The following HSPA4 variants were observed in gnomAD, a reference collection of about 807,000 sequenced individuals.
The protein encoded by HSPA4 is heat shock protein family A (Hsp70) member 4.
Under a neutral mutation model 106.2 loss-of-function variants are expected in HSPA4, and 25 were observed. That is an observed-to-expected ratio of 0.24 (90% CI 0.17 to 0.33). The LOEUF (loss-of-function observed/expected upper bound fraction) is 0.33. HSPA4 is among the 10% of genes least tolerant of loss of function. The pLI is 1.00. For synonymous variants in HSPA4, 332 were observed against 333.6 expected (o/e 1.00, Z 0.05); for missense variants, 841 against 996.0 (o/e 0.84, Z 2.10).
intron 11 of HSPA4, 131 bp from the exon 12 acceptor site, chr5:133,091,062 T>A (rs753071239): frequency 1.2e-6 from 1 of 802,592 alleles, no homozygotes. Context: ...AAGGACCGAT[T>A]TTGCTTATTT....
chr5:133,075,829 C>CA lies in HSPA4; in HGVS notation c.664-817dup, dbSNP rs375283499. ...TGGGCAACAGAGTGAGACCCTGTCT[C>CA]AAAAAAAAGAAAAAAAAATAAAGAA... On this transcript the variant is annotated intron_variant, in intron 6 of 18. Transcript: ENST00000304858. 7.3e-3 allele frequency among the ~76,000 whole-genome samples: 1,081 copies of CA among 148,118 alleles called. 5 individuals carry two copies. The highest frequency in any genetic ancestry group is 9.3e-3 in the African/African-American group (372 of 40,062).
chr5:133,075,977 A>G (rs1765442364), intron 6 of HSPA4: 1 of 152,252 alleles, frequency 6.6e-6, no homozygotes, highest in Non-Finnish European at 1.5e-5. Context: ...TTAACATACT[A>G]AGAAAATTTC....
At position 133,104,609 on chromosome 5, in the gene HSPA4, G is replaced by C. The variant is rs1765832512; in HGVS notation, c.*173G>C. On this transcript the variant is annotated 3_prime_UTR_variant, in exon 19 of 19. Transcript: ENST00000304858. ...GAGCATTTTCACTTCTAAATAGTTA[G>C]ATACAGAAATTAAGTGCATTGTATC... 1.3e-5 allele frequency: 8 copies of C among 601,596 alleles called. No homozygotes were observed. Among genetic ancestry groups the C allele is most frequent in the Admixed American group, 6.1e-5 (2 of 32,826 alleles). The allele number at this position is 601,596 out of a possible 1,614,324, so 37.3% of individuals were successfully genotyped here.
intron 8 of HSPA4, 147 bp from the exon 9 acceptor site, chr5:133,088,255 CTG>C (rs1329049201): frequency 3.3e-6 from 2 of 602,562 alleles, no homozygotes; most frequent in Non-Finnish European, 6.0e-6. Context: ...CCACCTGCCT[CTG>C]TGAGTGTGGG....
chr5:133,080,476 GT>G, intron 7 of HSPA4, among the ~76,000 whole-genome samples: 1 of 149,200 alleles, frequency 6.7e-6, no homozygotes, highest in Non-Finnish European at 1.5e-5. Context: ...TTTGATGTTG[GT>G]TATTTTGCAT....
intron 6 of HSPA4, among the ~76,000 whole-genome samples, chr5:133,074,853 T>G (rs1231037377): frequency 6.6e-6 from 1 of 152,182 alleles, no homozygotes; most frequent in Non-Finnish European, 1.5e-5. Flanking sequence ...AGTTCCACAG[T>G]AGGGTATAAA....
At position 133,104,018 on chromosome 5, in the gene HSPA4, A is replaced by G; in HGVS notation, c.2311A>G (p.Lys771Glu). 1 of 1,610,042 alleles carries G rather than the reference A, an allele frequency of 6.2e-7. No homozygotes were observed. Among genetic ancestry groups the G allele is most frequent in the Non-Finnish European group, 8.5e-7 (1 of 1,178,768 alleles). The change falls in exon 18 of 19, where the codon AAA (lysine) becomes GAA (glutamate). Residue 771 changes from lysine to glutamate, a missense_variant. Physicochemically the swap from Lys to Glu is moderately conservative, Grantham distance 56 (BLOSUM62 1). Around this residue, in one of 5 missense-constraint regions of HSPA4, gnomAD observed 328 missense variants for 372.2 expected, o/e 0.88. Coordinates refer to ENST00000304858, the MANE Select transcript of HSPA4 (RefSeq NM_002154.4). ...TGTCAAGTCAAAAGAGATTGAAGCT[A>G]AAATTAAGGTAATTTAAGACTTTTT... ...PVVKSKEIEA[K>E]IKELTSTCSP...
intron 7 of HSPA4, among the ~76,000 whole-genome samples, chr5:133,080,409 C>T (rs1474879774): frequency 7.8e-6 from 1 of 127,616 alleles, no homozygotes; most frequent in Non-Finnish European, 1.6e-5. Flanking sequence ...GAGAGTGAGA[C>T]CCTGTCTCAA....
intron 4 of HSPA4, among the ~76,000 whole-genome samples, chr5:133,072,004 G>A (rs11958983): frequency 0.063 from 9,596 of 152,042 alleles, 871 homozygotes; most frequent in East Asian, 0.3. Flanking sequence ...AGTGCCCCTA[G>A]CTTTGATCCT....
Position 133,076,616 on chromosome 5 carries a change from T to C in HSPA4, c.664-38T>C, listed in dbSNP as rs761524893. On this transcript the variant is annotated intron_variant, in intron 6 of 18. Coordinates refer to ENST00000304858, the MANE Select transcript of HSPA4 (RefSeq NM_002154.4). ...ATATATCATCTGTTTCAAAATCGATTGGTTAATTGTTAGATTAATTCTCAT... is the reference window on the plus strand; with the variant it reads ...ATATATCATCTGTTTCAAAATCGATCGGTTAATTGTTAGATTAATTCTCAT... The C allele has an allele frequency of 1.1e-5, 17 of 1,575,328 alleles. No individual in the cohort carries two copies. In the African/African-American group the frequency reaches 1.8e-4, roughly 16 times the overall value.
chr5:133,101,771 C>T lies in HSPA4; in HGVS notation c.2050C>T (p.Pro684Ser), dbSNP rs766375143. 1 of 1,610,812 alleles carries T rather than the reference C, an allele frequency of 6.2e-7. No individual in the cohort carries two copies. The highest frequency in any genetic ancestry group is 1.1e-5 in the South Asian group (1 of 89,912). Residue 684 changes from proline to serine, a missense_variant, in exon 17 of 19, where the codon CCT becomes TCT. Pro to Ser is a moderately conservative substitution (Grantham distance 74). This residue lies in a region of HSPA4 where 328 missense variants were observed against 372.2 expected (regional missense o/e 0.88). Transcript: ENST00000304858. ...TTCTTCTGTTAAGAATCTAGGTCAA[C>T]CTATTAAGATACGTTTCCAGGAATC... is the stretch of plus-strand genomic sequence containing the variant. ...KLAELKNLGQPIKIRFQESEE... is the reference protein window; with the variant it reads ...KLAELKNLGQSIKIRFQESEE...
chr5:133,098,718 G>C (rs1456276039), intron 15 of HSPA4, among the ~76,000 whole-genome samples: 1 of 151,844 alleles, frequency 6.6e-6, no homozygotes, highest in African/African-American at 2.4e-5. Context: ...TATTGCCCAG[G>C]CTGGAGTACA....
chr5:133,094,747 G>A (rs1765689716), intron 13 of HSPA4, among the ~76,000 whole-genome samples: 1 of 152,188 alleles, frequency 6.6e-6, no homozygotes, highest in Non-Finnish European at 1.5e-5. Flanking sequence ...GCTTCTAAAG[G>A]CAAATGAAAT....
intron 17 of HSPA4, 42 bp downstream of exon 17, chr5:133,101,920 A>ATT: frequency 1.7e-6 from 2 of 1,174,478 alleles, no homozygotes; most frequent in Admixed American, 3.4e-5. Context: ...AGTAAAGTTA[A>ATT]CTTTTTTTTT....
At position 133,106,112 on chromosome 5, in the gene HSPA4, T is replaced by A. The variant is rs1561589134; in HGVS notation, c.*1676T>A. On this transcript the variant is annotated 3_prime_UTR_variant, in exon 19 of 19. Coordinates refer to ENST00000304858, the MANE Select transcript of HSPA4 (RefSeq NM_002154.4). ...CTTAAAAAAAAAAAAATTTTTTTTTTTTTTTTTTTTTTTTTTTTTTTTTTT... is the reference window on the plus strand; with the variant it reads ...CTTAAAAAAAAAAAAATTTTTTTTTATTTTTTTTTTTTTTTTTTTTTTTTT... 265 of 49,124 alleles carry A rather than the reference T, an allele frequency of 5.4e-3. 6 individuals are homozygous for A. Among genetic ancestry groups the A allele is most frequent in the Middle Eastern group, 8.9e-3 (1 of 112 alleles). The allele number at this position is 49,124 out of a possible 1,614,324, so 3.0% of individuals were successfully genotyped here.
chr5:133,066,325 T>G (rs1180606577), intron 2 of HSPA4, among the ~76,000 whole-genome samples: 2 of 152,196 alleles, frequency 1.3e-5, no homozygotes, highest in Non-Finnish European at 2.9e-5. Flanking sequence ...TTACTACATC[T>G]CCTGCATTGG....
chr5:133,062,862 G>T (rs1214018881), intron 1 of HSPA4, among the ~76,000 whole-genome samples: 3 of 152,156 alleles, frequency 2.0e-5, no homozygotes, highest in Non-Finnish European at 4.4e-5. Flanking sequence ...GCCCAGGGAG[G>T]CCCAGCATTC....
intron 8 of HSPA4, 41 bp downstream of exon 8, chr5:133,086,899 CTG>C: frequency 7.2e-7 from 1 of 1,396,718 alleles, no homozygotes; most frequent in Non-Finnish European, 1.0e-6. Flanking sequence ...GTATCTCAGA[CTG>C]TTTGGAAATT....
chr5:133,090,363 A>G (rs1765631359), intron 11 of HSPA4, among the ~76,000 whole-genome samples: 1 of 144,166 alleles, frequency 6.9e-6, no homozygotes, highest in African/African-American at 2.6e-5. Context: ...CTCGGTAGGC[A>G]GAGCTTGCAG....
Sources: allele counts gnomAD v4.1 joint callset (sites outside exome capture counted in the v4.1 genomes callset), GRCh38; gene constraint gnomAD v4.1.1; regional missense constraint gnomAD v4.1.1; transcripts MANE v1.5; gene names NCBI Gene and HGNC (gene_info 2026-07-23, HGNC 2026-07-21).